NELL1: variants seen among roughly 807,000 people sequenced by gnomAD.
NELL1 encodes the protein protein kinase C-binding protein NELL1.
Under a neutral mutation model 107.4 loss-of-function variants are expected in NELL1, and 76 were observed. The observed-to-expected ratio is 0.71, with a 90% confidence interval of 0.59 to 0.86. NELL1 has a LOEUF of 0.86. Among genes scored for constraint, NELL1 ranks in the 40% least tolerant of loss-of-function variants. The pLI, the probability that NELL1 is intolerant of heterozygous loss-of-function variation, is 0.00. For missense variants in NELL1, 1,024 were observed against 1,005.5 expected (o/e 1.02, Z -0.25); for synonymous variants, 353 against 341.2 (o/e 1.03, Z -0.38).
chr11:21,195,568 A>T (rs942697223), intron 13 of NELL1, among the ~76,000 whole-genome samples: 1 of 1,602 alleles, frequency 6.2e-4, no homozygotes, highest in South Asian at 0.042. Flanking sequence ...TAAGAAAAGT[A>T]AAAAAAAAAA....
intron 12 of NELL1, among the ~76,000 whole-genome samples, chr11:21,093,622 G>A (rs868814363): frequency 5.9e-5 from 9 of 152,262 alleles, no homozygotes; most frequent in Middle Eastern, 6.8e-3. Context: ...GATTTAATTC[G>A]AATCACAGTT....
At chr11:20,732,415 C>T (rs12362885) in intron 2 of NELL1, among the ~76,000 whole-genome samples, 18,215 of 152,080 alleles carry the variant, frequency 0.12, 1,201 homozygotes, top group Non-Finnish European at 0.15. Flanking sequence ...GTTTGGGGTC[C>T]TACTGTTGTT....
intron 11 of NELL1, among the ~76,000 whole-genome samples, chr11:20,948,077 C>G (rs1248138909): frequency 1.3e-5 from 2 of 152,024 alleles, no homozygotes; most frequent in African/African-American, 4.8e-5. Context: ...GAGTCTCGCT[C>G]TGTCACTCAG....
chr11:20,903,025 A>C (rs893061482), intron 5 of NELL1, among the ~76,000 whole-genome samples: 5 of 152,070 alleles, frequency 3.3e-5, no homozygotes, highest in African/African-American at 1.2e-4. Context: ...GTGAACCCAG[A>C]AGACTTCAAC....
rs980149955 is a variant in NELL1 at position 20,938,916 on chromosome 11, C to G, written c.1071+1057C>G. Among the ~76,000 whole-genome samples, 692 of 93,424 alleles carry G rather than the reference C, an allele frequency of 7.4e-3. 3 individuals carry two copies. The highest frequency in any genetic ancestry group is 0.021 in the Middle Eastern group (5 of 238). 61.3% of individuals were successfully genotyped at this position (93,424 alleles called of 152,430 possible). A position where few individuals can be genotyped will look rare whatever the true frequency, so the allele number is the denominator to read the frequency against. On this transcript the variant is annotated intron_variant, in intron 10 of 19. Coordinates refer to ENST00000357134, the MANE Select transcript of NELL1 (RefSeq NM_006157.5). ...CTCTCTCTTCTCTCTCTGTCTCTCT[C>G]TCTCTCTCTCTCTCTCTCTCTCTCT...
At chr11:21,095,569 C>A (rs1445739952) in intron 12 of NELL1, among the ~76,000 whole-genome samples, 1 of 152,012 alleles carries the variant, frequency 6.6e-6, no homozygotes, top group Non-Finnish European at 1.5e-5. Context: ...GCTGGGGAGG[C>A]CTCACAATCA....
At chr11:20,776,466 A>G (rs1856752587) in intron 2 of NELL1, among the ~76,000 whole-genome samples, 1 of 151,822 alleles carries the variant, frequency 6.6e-6, no homozygotes, top group South Asian at 2.1e-4. Context: ...AAATAAAAAT[A>G]AAATAAAATT....
At chr11:20,722,436 G>A (rs1564879887) in intron 2 of NELL1, among the ~76,000 whole-genome samples, 1 of 152,158 alleles carries the variant, frequency 6.6e-6, no homozygotes, top group Non-Finnish European at 1.5e-5. Context: ...ACTTGGTTAT[G>A]TATACTTCAG....
At chr11:20,860,842 CAGAT>C (rs1590356434) in intron 4 of NELL1, among the ~76,000 whole-genome samples, 2 of 152,184 alleles carry the variant, frequency 1.3e-5, no homozygotes, top group East Asian at 3.9e-4. Flanking sequence ...AGGTGATTTA[CAGAT>C]AGAGTACAAA....
chr11:21,099,717 C>A (rs972357231), intron 12 of NELL1, among the ~76,000 whole-genome samples: 1 of 152,180 alleles, frequency 6.6e-6, no homozygotes, highest in African/African-American at 2.4e-5. Context: ...TCTTAGGGAA[C>A]TTTCCCACAG....
chr11:21,359,904 T>C (rs1851031916), intron 14 of NELL1, among the ~76,000 whole-genome samples: 1 of 152,138 alleles, frequency 6.6e-6, no homozygotes, highest in South Asian at 2.1e-4. Context: ...ATCACTAATG[T>C]TCTATCAATT....
At chr11:20,723,909 C>T (rs1384238251) in intron 2 of NELL1, among the ~76,000 whole-genome samples, 1 of 152,216 alleles carries the variant, frequency 6.6e-6, no homozygotes, top group Non-Finnish European at 1.5e-5. Flanking sequence ...CCCACATGCC[C>T]AACACCACAT....
intron 2 of NELL1, among the ~76,000 whole-genome samples, chr11:20,754,054 C>T (rs992347581): frequency 1.3e-5 from 2 of 152,118 alleles, no homozygotes; most frequent in African/African-American, 4.8e-5. Flanking sequence ...CCCATGCCTA[C>T]CCATAGAGTT....
At chr11:21,003,268 C>T (rs1392874436) in intron 12 of NELL1, among the ~76,000 whole-genome samples, 1 of 151,972 alleles carries the variant, frequency 6.6e-6, no homozygotes, top group African/African-American at 2.4e-5. Flanking sequence ...GTTGTTTTTC[C>T]CATTTAGCTT....
chr11:20,955,367 C>T (rs1447006917), intron 11 of NELL1, among the ~76,000 whole-genome samples: 1 of 152,172 alleles, frequency 6.6e-6, no homozygotes, highest in Admixed American at 6.5e-5. Context: ...GAGTGGCTAC[C>T]TCTTTCACTT....
At chr11:21,411,236 G>A (rs1852369844) in intron 15 of NELL1, among the ~76,000 whole-genome samples, 1 of 152,052 alleles carries the variant, frequency 6.6e-6, no homozygotes, top group Non-Finnish European at 1.5e-5. Context: ...CAAGAAAAAG[G>A]AAGTGTTGGA....
intron 15 of NELL1, among the ~76,000 whole-genome samples, chr11:21,511,478 C>T (rs1387394814): frequency 6.6e-6 from 1 of 152,056 alleles, no homozygotes; most frequent in Non-Finnish European, 1.5e-5. Context: ...TCCCTGGCCT[C>T]CTGGGTTTAC....
At chr11:20,755,151 G>A (rs1554366) in intron 2 of NELL1, among the ~76,000 whole-genome samples, 115,185 of 152,026 alleles carry the variant, frequency 0.76, 44,609 homozygotes, top group Middle Eastern at 0.9. Flanking sequence ...TAAGATGTGC[G>A]GGAAGTATGA....
intron 13 of NELL1, among the ~76,000 whole-genome samples, chr11:21,131,862 A>G (rs901989328): frequency 6.6e-6 from 1 of 152,156 alleles, no homozygotes; most frequent in Non-Finnish European, 1.5e-5. Context: ...GGCCATAATG[A>G]TGTTTTATTA....
Sources: allele counts gnomAD v4.1 joint callset (sites outside exome capture counted in the v4.1 genomes callset), GRCh38; gene constraint gnomAD v4.1.1; transcripts MANE v1.5; gene names NCBI Gene and HGNC (gene_info 2026-07-23, HGNC 2026-07-21).